The following LIMS1 variants were observed in gnomAD, a reference collection of about 807,000 sequenced individuals.
LIMS1 encodes LIM and senescent cell antigen-like-containing domain protein 1.
LIMS1 carries 18 observed loss-of-function variants against 44.1 expected under a neutral mutation model. The ratio of observed to expected loss-of-function variants is 0.41; its 90% CI spans 0.28 to 0.61. The LOEUF is 0.61. Ranked by LOEUF, LIMS1 falls within the 20% of genes least tolerant of loss-of-function variation. LIMS1 has a pLI of 0.32. For missense variants in LIMS1, 201 were observed against 422.0 expected (o/e 0.48, Z 4.59); for synonymous variants, 93 against 149.1 (o/e 0.62, Z 2.74).
chr2:108,535,757 T>C (rs1278610537), intron 1 of LIMS1, among the ~76,000 whole-genome samples: 1 of 152,198 alleles, frequency 6.6e-6, no homozygotes, highest in Admixed American at 6.5e-5. Context: ...AGCAAAATAT[T>C]GTCAATTGTT....
intron 1 of LIMS1, among the ~76,000 whole-genome samples, chr2:108,565,365 A>G (rs2104619665): frequency 1.3e-5 from 2 of 152,330 alleles, no homozygotes; most frequent in South Asian, 4.1e-4. Context: ...TTAGTCGTCT[A>G]CTAATCATAG....
At chr2:108,616,016 G>T (rs567761368) in intron 1 of LIMS1, among the ~76,000 whole-genome samples, 1 of 152,170 alleles carries the variant, frequency 6.6e-6, no homozygotes, top group East Asian at 1.9e-4. Context: ...CGTGGGATTG[G>T]ATAGGTTACT....
intron 1 of LIMS1, among the ~76,000 whole-genome samples, chr2:108,626,788 A>G (rs1451636953): frequency 1.3e-5 from 2 of 152,224 alleles, no homozygotes; most frequent in African/African-American, 2.4e-5. Flanking sequence ...GGATGTATCT[A>G]TCAGAGTATA....
At chr2:108,594,288 G>A (rs1413342504) in intron 1 of LIMS1, among the ~76,000 whole-genome samples, 1 of 152,132 alleles carries the variant, frequency 6.6e-6, no homozygotes, top group Non-Finnish European at 1.5e-5. Flanking sequence ...AACAAAGAGG[G>A]TTGGAATCCA....
chr2:108,556,875 T>C (rs1303439619), intron 1 of LIMS1, among the ~76,000 whole-genome samples: 1 of 152,212 alleles, frequency 6.6e-6, no homozygotes, highest in Non-Finnish European at 1.5e-5. Context: ...AGCTGACCAA[T>C]CGTTACCTAC....
chr2:108,664,690 A>G (rs1691624018), intron 2 of LIMS1, among the ~76,000 whole-genome samples: 1 of 152,196 alleles, frequency 6.6e-6, no homozygotes, highest in African/African-American at 2.4e-5. Context: ...CTCAGGCTCA[A>G]AAGTTGAGCT....
intron 7 of LIMS1, chr2:108,677,339 G>T (rs1056334878): frequency 6.5e-6 from 1 of 152,790 alleles, no homozygotes; most frequent in African/African-American, 2.4e-5. Flanking sequence ...GCTTAGATGA[G>T]GTTATACACA....
chr2:108,672,165 CAAAAAAAAAAAAAA>C, intron 3 of LIMS1, among the ~76,000 whole-genome samples, 146 bp from the exon 4 acceptor site: 1 of 56,820 alleles, frequency 1.8e-5, no homozygotes. Context: ...GAAACTGTCT[CAAAAAAAAAAAAAA>C]AAAAAAAAAG....
chr2:108,534,595 G>A lies in LIMS1; in HGVS notation c.32+1G>A, dbSNP rs1186418499. 11 of 1,150,116 alleles carry A rather than the reference G, an allele frequency of 9.6e-6. No homozygotes were observed. Among genetic ancestry groups the A allele is most frequent in the African/African-American group, 1.6e-5 (1 of 60,660 alleles). The allele number at this position is 1,150,116 out of a possible 1,614,324, so 71.2% of individuals were successfully genotyped here. ...GCGTGGCGGCCGGGATGACCCACAG[G>A]TACGGGCCGCACCGCGCGGCCCCCG... On this transcript the variant is annotated splice_donor_variant, in intron 1 of 9. Coordinates refer to ENST00000544547, the Ensembl canonical transcript of LIMS1. LOFTEE classifies it high-confidence loss of function.
chr2:108,550,321 C>T (rs1170119267), intron 1 of LIMS1, among the ~76,000 whole-genome samples: 1 of 148,448 alleles, frequency 6.7e-6, no homozygotes, highest in African/African-American at 2.5e-5. Flanking sequence ...CGGTGAAACC[C>T]CATCTCTACT....
chr2:108,600,971 T>C (rs1199498592), intron 1 of LIMS1, among the ~76,000 whole-genome samples: 1 of 152,092 alleles, frequency 6.6e-6, no homozygotes, highest in Non-Finnish European at 1.5e-5. Flanking sequence ...TCTTACTCTG[T>C]CACCCAGGCT....
intron 1 of LIMS1, among the ~76,000 whole-genome samples, chr2:108,641,942 A>C (rs1442116455): frequency 6.6e-6 from 1 of 152,184 alleles, no homozygotes; most frequent in African/African-American, 2.4e-5. Flanking sequence ...TTTTGTTTTT[A>C]GTAGTCTGGG....
At chr2:108,682,394 C>A (rs1207805916) in intron 9 of LIMS1, among the ~76,000 whole-genome samples, 1 of 151,848 alleles carries the variant, frequency 6.6e-6, no homozygotes, top group African/African-American at 2.4e-5. Flanking sequence ...CAGATACTCG[C>A]GAGGCTGAGA....
At chr2:108,621,911 A>G (rs773924776) in intron 1 of LIMS1, among the ~76,000 whole-genome samples, 2 of 152,174 alleles carry the variant, frequency 1.3e-5, no homozygotes, top group African/African-American at 2.4e-5. Context: ...TAACAAAGGA[A>G]TGCAGTGGAA....
chr2:108,569,783 T>TTTTTTTTTTA (rs1685424730), intron 1 of LIMS1, among the ~76,000 whole-genome samples: 15 of 147,446 alleles, frequency 1.0e-4, no homozygotes, highest in Admixed American at 1.4e-4. Context: ...TTTTTTTTTT[T>TTTTTTTTTTA]AGTGATGAGG....
At chr2:108,537,402 G>T (rs567239376) in intron 1 of LIMS1, among the ~76,000 whole-genome samples, 1 of 152,348 alleles carries the variant, frequency 6.6e-6, no homozygotes, top group Admixed American at 6.5e-5. Flanking sequence ...GTGGTAGTGT[G>T]TGCCTTGTAG....
intron 6 of LIMS1, 84 bp from the exon 7 acceptor site, chr2:108,676,522 C>T: frequency 6.7e-7 from 1 of 1,484,914 alleles, no homozygotes; most frequent in Non-Finnish European, 9.0e-7. Flanking sequence ...TTCATCTTCT[C>T]TGAAAATAGG....
intron 8 of LIMS1, among the ~76,000 whole-genome samples, chr2:108,678,873 G>A (rs529126140): frequency 7.2e-5 from 11 of 152,194 alleles, no homozygotes; most frequent in Non-Finnish European, 1.3e-4. Context: ...GACAGAAACA[G>A]CAAGCTCACC....
intron 8 of LIMS1, among the ~76,000 whole-genome samples, chr2:108,679,902 T>C (rs1692838482): frequency 6.6e-5 from 10 of 151,852 alleles, no homozygotes; most frequent in Admixed American, 6.6e-4. Context: ...AGACCCTGTC[T>C]GAAAAACAAA....
Sources: allele counts gnomAD v4.1 joint callset (sites outside exome capture counted in the v4.1 genomes callset), GRCh38; gene constraint gnomAD v4.1.1; transcripts MANE v1.5; gene names NCBI Gene and HGNC (gene_info 2026-07-23, HGNC 2026-07-21).